Variants in DMD observed in about 807,000 individuals in gnomAD.
DMD encodes the protein mutant dystrophin.
Under a neutral mutation model 330.1 loss-of-function variants are expected in DMD, and 63 were observed. That is an observed-to-expected ratio of 0.19 (90% CI 0.16 to 0.24). DMD has a LOEUF of 0.24. Ranked by LOEUF, DMD falls within the 10% of genes least tolerant of loss-of-function variation. The pLI, the probability that DMD is intolerant of heterozygous loss-of-function variation, is 1.00. For synonymous variants in DMD, 1,223 were observed against 959.8 expected (o/e 1.27, Z -5.07); for missense variants, 3,344 against 2,684.1 (o/e 1.25, Z -5.43).
In DMD at chrX:32,386,560, T is replaced by G. The variant is rs72468640; in HGVS notation, c.4519-95A>C. 472 of 802,980 alleles carry G rather than the reference T, an allele frequency of 5.9e-4. 2 individuals carry two copies. The highest frequency in any genetic ancestry group is 4.2e-5 in the Non-Finnish European group (24 of 564,733). 66.2% of individuals were successfully genotyped at this position (802,980 alleles called of 1,213,427 possible). On this transcript the variant is annotated intron_variant, in intron 32 of 78. Transcript: ENST00000357033. ...AATAAATAGAGATCCCCTTAATTGC[T>G]ATTCCATGTTTGAAATTTTAATAGA... is the stretch of plus-strand genomic sequence containing the variant.
At chrX:32,185,926 C>T (rs2096944187) in intron 44 of DMD, among the ~76,000 whole-genome samples, 1 of 110,522 alleles carries the variant, frequency 9.0e-6, no homozygotes. Flanking sequence ...AAGGGTTGCA[C>T]AGTTCCCCTT....
intron 62 of DMD, among the ~76,000 whole-genome samples, chrX:31,274,092 G>A (rs1435083114): frequency 8.9e-6 from 1 of 112,007 alleles, no homozygotes; most frequent in African/African-American, 3.2e-5. Context: ...ATTGTCGTGT[G>A]AGGGAAAATG....
chrX:32,489,499 T>C (rs777786428), intron 20 of DMD, among the ~76,000 whole-genome samples: 54 of 111,198 alleles, frequency 4.9e-4, no homozygotes, highest in African/African-American at 1.7e-3. Context: ...GTTGGTTATC[T>C]GCAAGCCAGG....
chrX:32,019,757 G>T (rs866647972), intron 44 of DMD, among the ~76,000 whole-genome samples: 2 of 112,032 alleles, frequency 1.8e-5, no homozygotes, highest in African/African-American at 6.5e-5. Flanking sequence ...AATTCCTGAC[G>T]CTGTCATTCT....
intron 12 of DMD, among the ~76,000 whole-genome samples, chrX:32,608,050 G>A (rs900983512): frequency 9.1e-6 from 1 of 109,634 alleles, no homozygotes; most frequent in Non-Finnish European, 1.9e-5. Flanking sequence ...TATAATTTTC[G>A]TAGCTATACC....
intron 71 of DMD, among the ~76,000 whole-genome samples, chrX:31,176,029 T>C (rs768004507): frequency 3.3e-4 from 37 of 111,693 alleles, no homozygotes; most frequent in Non-Finnish European, 5.3e-4. Flanking sequence ...ATTGTAATCA[T>C]CATAGGATTT....
intron 9 of DMD, among the ~76,000 whole-genome samples, chrX:32,686,175 A>G (rs1050165348): frequency 8.9e-6 from 1 of 111,781 alleles, no homozygotes; most frequent in African/African-American, 3.2e-5. Context: ...GTAGATAAAG[A>G]CCACAATATG....
intron 2 of DMD, among the ~76,000 whole-genome samples, chrX:32,974,228 G>A (rs1420740728): frequency 9.0e-6 from 1 of 111,644 alleles, no homozygotes; most frequent in African/African-American, 3.2e-5. Flanking sequence ...TATATGAAAT[G>A]TCCAAAATAG....
intron 1 of DMD, among the ~76,000 whole-genome samples, chrX:33,077,355 AGATG>A (rs754322484): frequency 1.5e-3 from 172 of 111,925 alleles, no homozygotes; most frequent in South Asian, 3.4e-3. Context: ...GTTAGAAGCA[AGATG>A]GAGTCAGTTA....
At chrX:33,117,098 C>A (rs185282929) in intron 1 of DMD, among the ~76,000 whole-genome samples, 3,182 of 110,073 alleles carry the variant, frequency 0.029, 128 homozygotes, top group African/African-American at 0.099. Flanking sequence ...ATAATGTACA[C>A]AATACATATA....
At chrX:32,477,690 A>C (rs2041379549) in intron 21 of DMD, among the ~76,000 whole-genome samples, 1 of 110,608 alleles carries the variant, frequency 9.0e-6, no homozygotes, top group East Asian at 2.8e-4. Flanking sequence ...ATCGAGATAA[A>C]GAGATACCAG....
chrX:32,352,798 A>G (rs1343292770), intron 37 of DMD, among the ~76,000 whole-genome samples: 1 of 110,570 alleles, frequency 9.0e-6, no homozygotes, highest in Non-Finnish European at 1.9e-5. Context: ...AGTGGGATTG[A>G]CCTGTTATTT....
chrX:31,628,022 G>T (rs1245721985), intron 54 of DMD, among the ~76,000 whole-genome samples, 160 bp from the exon 55 acceptor site: 1 of 111,324 alleles, frequency 9.0e-6, no homozygotes, highest in Non-Finnish European at 1.9e-5. Flanking sequence ...CTATAATATT[G>T]TGCAGTCTAT....
chrX:33,016,262 T>G (rs2093800564), intron 2 of DMD, among the ~76,000 whole-genome samples: 1 of 111,286 alleles, frequency 9.0e-6, no homozygotes, highest in Non-Finnish European at 1.9e-5. Context: ...GTAAATTTAC[T>G]GAGGCTCCAG....
rs201236399 is a variant in DMD, at chrX:32,160,209, G to GT, written c.6438+56706dup. Reference sequence around the variant, plus strand: ...GAACATTTATTGCATTCCAACTTTGGTTTTTTTTTTTTTTGTTTGCGTGTT... The same window carrying GT: ...GAACATTTATTGCATTCCAACTTTGGTTTTTTTTTTTTTTTGTTTGCGTGTT... On this transcript the variant is annotated intron_variant, in intron 44 of 78. Coordinates refer to ENST00000357033, the MANE Select transcript of DMD (RefSeq NM_004006.3). Among the ~76,000 whole-genome samples, 587 of 92,018 alleles carry GT rather than the reference G, an allele frequency of 6.4e-3. 2 individuals are homozygous for GT. The highest frequency in any genetic ancestry group is 7.4e-3 in the Non-Finnish European group (351 of 47,737). The allele number at this position is 92,018 out of a possible 115,157, so 79.9% of individuals were successfully genotyped here. A position where few individuals can be genotyped will look rare whatever the true frequency, so the allele number is the denominator to read the frequency against.
chrX:31,694,434 A>G (rs2083309976), intron 52 of DMD, among the ~76,000 whole-genome samples: 1 of 108,673 alleles, frequency 9.2e-6, no homozygotes, highest in Non-Finnish European at 1.9e-5. Flanking sequence ...CAAAGGAAAC[A>G]ATTAATGGAA....
chrX:33,177,273 G>T (rs2049719117), intron 1 of DMD, among the ~76,000 whole-genome samples: 1 of 112,570 alleles, frequency 8.9e-6, no homozygotes, highest in Non-Finnish European at 1.9e-5. Flanking sequence ...TAGGGGATGG[G>T]TGTGCTACCT....
intron 41 of DMD, among the ~76,000 whole-genome samples, chrX:32,339,270 C>A (rs945707623): frequency 8.9e-6 from 1 of 111,956 alleles, no homozygotes; most frequent in Non-Finnish European, 1.9e-5. Flanking sequence ...GACCACACTG[C>A]TGTGATAGTA....
intron 49 of DMD, among the ~76,000 whole-genome samples, chrX:31,822,091 T>C (rs181603706): frequency 3.5e-3 from 391 of 112,464 alleles, no homozygotes; most frequent in Non-Finnish European, 5.7e-3. Flanking sequence ...CTGAAGTTCG[T>C]AACCTCTAAG....
Sources: allele counts gnomAD v4.1 joint callset (sites outside exome capture counted in the v4.1 genomes callset), GRCh38; gene constraint gnomAD v4.1.1; transcripts MANE v1.5; gene names NCBI Gene and HGNC (gene_info 2026-07-23, HGNC 2026-07-21).